GRID2: variants seen among roughly 807,000 people sequenced by gnomAD.
GRID2 encodes the protein glutamate receptor ionotropic, delta-2.
In GRID2, 33 loss-of-function variants were observed where a neutral mutation model predicts 114.8. That is an observed-to-expected ratio of 0.29 (90% CI 0.22 to 0.38). The LOEUF (loss-of-function observed/expected upper bound fraction) is 0.38. GRID2 is among the 10% of genes least tolerant of loss of function. The pLI is 1.00. For synonymous variants in GRID2, 505 were observed against 449.9 expected, an observed-to-expected ratio of 1.12 and a Z score of -1.55; for missense variants, 1,184 against 1,257.7, an observed-to-expected ratio of 0.94 and a Z score of 0.89.
chr4:93,677,594 A>G (rs1186180870), intron 14 of GRID2, among the ~76,000 whole-genome samples: 1 of 152,046 alleles, frequency 6.6e-6, no homozygotes, highest in Non-Finnish European at 1.5e-5. Flanking sequence ...TTCCAGAGGA[A>G]CCATCAGACA....
In GRID2 at chr4:92,460,867, G is replaced by A. The variant is rs191258909; in HGVS notation, c.89-129264G>A. 9.5e-4 allele frequency among the ~76,000 whole-genome samples: 144 copies of A among 151,982 alleles called. 1 individual carries two copies. The highest frequency in any genetic ancestry group is 3.4e-3 in the African/African-American group (140 of 41,524). On this transcript the variant is annotated intron_variant, in intron 1 of 15. Coordinates refer to ENST00000282020, the MANE Select transcript of GRID2 (RefSeq NM_001510.4). ...AGTAGAGAATAATGTGGGGGAAAAT[G>A]CAATCTAATTAGGTTTATTGTTATT...
chr4:92,942,870 T>G (rs1031732788), intron 2 of GRID2, among the ~76,000 whole-genome samples: 3 of 152,208 alleles, frequency 2.0e-5, no homozygotes, highest in African/African-American at 7.2e-5. Flanking sequence ...TTGAAAATTC[T>G]TTTCTTTAAG....
chr4:93,682,937 T>TA (rs199751939), intron 14 of GRID2, among the ~76,000 whole-genome samples: 9,056 of 116,766 alleles, frequency 0.078, 327 homozygotes, highest in African/African-American at 0.13. Flanking sequence ...ATAATAATAA[T>TA]AAAAAAAAAA....
At chr4:92,804,398 G>A (rs988369282) in intron 2 of GRID2, among the ~76,000 whole-genome samples, 1 of 151,924 alleles carries the variant, frequency 6.6e-6, no homozygotes, top group Non-Finnish European at 1.5e-5. Flanking sequence ...TAATAGATAT[G>A]AATACTGGCA....
At chr4:93,150,149 T>C (rs1177196842) in intron 4 of GRID2, among the ~76,000 whole-genome samples, 1 of 152,166 alleles carries the variant, frequency 6.6e-6, no homozygotes, top group Non-Finnish European at 1.5e-5. Context: ...GGTCAGTTAA[T>C]GTGACAGTTA....
intron 8 of GRID2, among the ~76,000 whole-genome samples, chr4:93,241,171 G>A (rs183439066): frequency 2.6e-5 from 4 of 151,698 alleles, no homozygotes; most frequent in Non-Finnish European, 4.4e-5. Context: ...GTTTGCTGCT[G>A]TATATACAAA....
chr4:92,586,399 C>A (rs930843433), intron 1 of GRID2, among the ~76,000 whole-genome samples: 1 of 144,730 alleles, frequency 6.9e-6, no homozygotes, highest in African/African-American at 2.6e-5. Flanking sequence ...CACACATACA[C>A]ACACACAGAC....
chr4:93,740,814 G>C (rs1029231247), intron 14 of GRID2, among the ~76,000 whole-genome samples: 1 of 151,494 alleles, frequency 6.6e-6, no homozygotes, highest in Non-Finnish European at 1.5e-5. Flanking sequence ...GTCTACTTGG[G>C]GGGGCAAGGA....
intron 2 of GRID2, among the ~76,000 whole-genome samples, chr4:92,995,911 T>C (rs1465283766): frequency 6.6e-6 from 1 of 152,178 alleles, no homozygotes; most frequent in Non-Finnish European, 1.5e-5. Context: ...TCATTGCTAT[T>C]CCATACTGTA....
chr4:93,730,822 C>A (rs1364889637), intron 14 of GRID2, among the ~76,000 whole-genome samples: 1 of 152,198 alleles, frequency 6.6e-6, no homozygotes, highest in East Asian at 1.9e-4. Context: ...GTGGCCCCTG[C>A]CAAAGGCTCC....
intron 8 of GRID2, chr4:93,259,028 GA>G (rs1749945244): frequency 7.6e-6 from 3 of 393,342 alleles, no homozygotes; most frequent in East Asian, 7.2e-5. Flanking sequence ...CACAGAAAGG[GA>G]AAAAAGATTA....
At chr4:93,325,309 G>T (rs962157206) in intron 8 of GRID2, among the ~76,000 whole-genome samples, 18 of 151,998 alleles carry the variant, frequency 1.2e-4, no homozygotes, top group Admixed American at 2.6e-4. Flanking sequence ...AACTTATTAA[G>T]ATTTCTAATT....
intron 2 of GRID2, among the ~76,000 whole-genome samples, chr4:92,670,902 A>T (rs1300152783): frequency 6.6e-6 from 1 of 151,698 alleles, no homozygotes; most frequent in Admixed American, 6.6e-5. Flanking sequence ...GTACTTTAAA[A>T]CTCTCTGCCA....
chr4:93,204,280 A>G (rs1188448499), intron 4 of GRID2, among the ~76,000 whole-genome samples: 1 of 152,118 alleles, frequency 6.6e-6, no homozygotes, highest in Non-Finnish European at 1.5e-5. Context: ...TTGAGGACCC[A>G]AAAGAGATTC....
chr4:92,316,627 C>G (rs2110118321), intron 1 of GRID2, among the ~76,000 whole-genome samples: 1 of 152,142 alleles, frequency 6.6e-6, no homozygotes, highest in East Asian at 1.9e-4. Flanking sequence ...GGAGTATCTG[C>G]CTTCTAAGAA....
At chr4:92,756,551 G>T (rs2149342405) in intron 2 of GRID2, among the ~76,000 whole-genome samples, 1 of 152,150 alleles carries the variant, frequency 6.6e-6, no homozygotes, top group African/African-American at 2.4e-5. Flanking sequence ...CTACTAACTT[G>T]TATTCCCACC....
intron 1 of GRID2, among the ~76,000 whole-genome samples, chr4:92,404,831 G>A (rs1730950114): frequency 6.6e-6 from 1 of 152,164 alleles, no homozygotes; most frequent in Non-Finnish European, 1.5e-5. Flanking sequence ...GCTGAACAAT[G>A]AGAATACATT....
intron 11 of GRID2, 150 bp from the exon 12 acceptor site, chr4:93,490,489 T>G (rs1726882176): frequency 1.9e-6 from 1 of 528,192 alleles, no homozygotes. Context: ...GAATTAAATA[T>G]GGAGTGATGA....
intron 13 of GRID2, among the ~76,000 whole-genome samples, chr4:93,574,974 G>A (rs1177716794): frequency 6.6e-6 from 1 of 152,080 alleles, no homozygotes; most frequent in Non-Finnish European, 1.5e-5. Flanking sequence ...TAACTGACCT[G>A]GCTAGAATAA....
Sources: allele counts gnomAD v4.1 joint callset (sites outside exome capture counted in the v4.1 genomes callset), GRCh38; gene constraint gnomAD v4.1.1; transcripts MANE v1.5; gene names NCBI Gene and HGNC (gene_info 2026-07-23, HGNC 2026-07-21).